SPIDR: variants seen among roughly 807,000 people sequenced by gnomAD.
The protein encoded by SPIDR is scaffold protein involved in DNA repair.
Under a neutral mutation model 104.6 loss-of-function variants are expected in SPIDR, and 93 were observed. That is an observed-to-expected ratio of 0.89 (90% CI 0.75 to 1.06). The LOEUF (loss-of-function observed/expected upper bound fraction) is 1.06. Ranked by LOEUF, SPIDR falls within the 50% of genes least tolerant of loss-of-function variation. The probability of loss-of-function intolerance (pLI) is 0.00; values close to 1 mark genes in which losing one functional copy is unlikely to be tolerated. For synonymous variants in SPIDR, 431 were observed against 416.9 expected, an observed-to-expected ratio of 1.03 and a Z score of -0.41; for missense variants, 1,154 against 1,111.2, an observed-to-expected ratio of 1.04 and a Z score of -0.55.
intron 19 of SPIDR, among the ~76,000 whole-genome samples, chr8:47,731,966 A>G (rs151229647): frequency 2.6e-5 from 4 of 152,286 alleles, no homozygotes; most frequent in Admixed American, 1.3e-4. Context: ...AACAGATTCA[A>G]CCAACTCTTG....
intron 5 of SPIDR, 108 bp from the exon 6 acceptor site, chr8:47,396,268 C>G: frequency 1.0e-6 from 1 of 973,114 alleles, no homozygotes; most frequent in Non-Finnish European, 1.5e-6. Flanking sequence ...AAAGGTCCTT[C>G]AAGAGCTGTA....
chr8:47,670,203 G>A (rs1315439794), intron 10 of SPIDR, among the ~76,000 whole-genome samples: 1 of 152,016 alleles, frequency 6.6e-6, no homozygotes, highest in African/African-American at 2.4e-5. Context: ...GGTCCCCAAG[G>A]CTTGGCCTGG....
chr8:47,451,341 G>A (rs189297772), intron 8 of SPIDR, among the ~76,000 whole-genome samples: 2 of 152,210 alleles, frequency 1.3e-5, no homozygotes, highest in East Asian at 3.9e-4. Context: ...CAGCAATTTG[G>A]GAGGCTGAGG....
chr8:47,710,470 CTT>C (rs879756213), intron 14 of SPIDR, among the ~76,000 whole-genome samples: 12 of 142,866 alleles, frequency 8.4e-5, no homozygotes, highest in Non-Finnish European at 7.7e-5. Context: ...AAATATTCAC[CTT>C]TTTTTTTTTT....
chr8:47,372,732 A>T (rs940457371), intron 5 of SPIDR, among the ~76,000 whole-genome samples: 1 of 152,080 alleles, frequency 6.6e-6, no homozygotes, highest in East Asian at 1.9e-4. Flanking sequence ...AACTTTTTAA[A>T]TTTTTAGATT....
intron 10 of SPIDR, among the ~76,000 whole-genome samples, chr8:47,607,934 C>T (rs915096886): frequency 2.0e-5 from 3 of 152,054 alleles, no homozygotes; most frequent in Non-Finnish European, 2.9e-5. Flanking sequence ...ATCTCTATCA[C>T]ATTTTTAAAG....
chr8:47,391,691 ATCT>A (rs1269301446), intron 5 of SPIDR, among the ~76,000 whole-genome samples: 10 of 152,010 alleles, frequency 6.6e-5, no homozygotes, highest in African/African-American at 9.7e-5. Context: ...TTGTATAGAA[ATCT>A]TCTTAGAAAC....
intron 11 of SPIDR, among the ~76,000 whole-genome samples, chr8:47,678,886 A>G (rs907108427): frequency 1.3e-5 from 2 of 152,204 alleles, no homozygotes; most frequent in Non-Finnish European, 2.9e-5. Flanking sequence ...TCAGAAGCCA[A>G]GCTCAGTCAA....
chr8:47,327,126 T>TA (rs548934022), intron 5 of SPIDR, among the ~76,000 whole-genome samples: 41 of 150,164 alleles, frequency 2.7e-4, no homozygotes, highest in Admixed American at 1.8e-3. Context: ...TCTACCCACT[T>TA]AAAAAAAAAA....
chr8:47,502,195 G>A (rs187904167), intron 8 of SPIDR, among the ~76,000 whole-genome samples: 1 of 152,252 alleles, frequency 6.6e-6, no homozygotes, highest in Non-Finnish European at 1.5e-5. Context: ...TCTGTTGATT[G>A]GAATAGTTTC....
In SPIDR at chr8:47,735,612, G is replaced by C; in HGVS notation, c.*162G>C. 3 of 1,368,884 alleles carry C rather than the reference G, an allele frequency of 2.2e-6. No individual in the cohort carries two copies. Among genetic ancestry groups the C allele is most frequent in the Non-Finnish European group, 9.8e-7 (1 of 1,021,586 alleles). The allele number at this position is 1,368,884 out of a possible 1,614,324, so 84.8% of individuals were successfully genotyped here. A position where few individuals can be genotyped will look rare whatever the true frequency, so the allele number is the denominator to read the frequency against. ...TGGGGAAATGTTCAGATACAGTTTT[G>C]TGAACTGTAAATCAAAATACCTTTT... On this transcript the variant is annotated 3_prime_UTR_variant, in exon 20 of 20. Coordinates refer to ENST00000297423, the MANE Select transcript of SPIDR (RefSeq NM_001080394.4).
At chr8:47,320,807 A>G (rs1363647169) in intron 5 of SPIDR, among the ~76,000 whole-genome samples, 1 of 152,226 alleles carries the variant, frequency 6.6e-6, no homozygotes, top group Non-Finnish European at 1.5e-5. Flanking sequence ...GCAAATCAAT[A>G]AACATAATCC....
At chr8:47,352,368 G>T (rs1554623062) in intron 5 of SPIDR, among the ~76,000 whole-genome samples, 1 of 152,134 alleles carries the variant, frequency 6.6e-6, no homozygotes, top group South Asian at 2.1e-4. Flanking sequence ...AAACATTACA[G>T]TTAAAGGCTT....
intron 7 of SPIDR, among the ~76,000 whole-genome samples, chr8:47,435,223 C>G (rs2068069947): frequency 6.6e-6 from 1 of 151,964 alleles, no homozygotes; most frequent in Non-Finnish European, 1.5e-5. Context: ...TGGTCTTGAA[C>G]TCCTGGCCTC....
At chr8:47,272,144 T>G (rs1313286189) in intron 1 of SPIDR, among the ~76,000 whole-genome samples, 1 of 152,100 alleles carries the variant, frequency 6.6e-6, no homozygotes, top group Non-Finnish European at 1.5e-5. Flanking sequence ...GTTTTTGTAT[T>G]TTTAGTGAGA....
intron 10 of SPIDR, among the ~76,000 whole-genome samples, chr8:47,600,474 A>AGAATACTATGAATACTATGAATACTC (rs2062137060): frequency 2.0e-5 from 3 of 152,228 alleles, no homozygotes; most frequent in Non-Finnish European, 4.4e-5. Flanking sequence ...ACTTTATTTG[A>AGAATACTATGAATACTATGAATACTC]AAATACTATG....
intron 10 of SPIDR, among the ~76,000 whole-genome samples, chr8:47,667,345 C>T (rs1318655562): frequency 6.6e-6 from 1 of 150,892 alleles, no homozygotes; most frequent in Non-Finnish European, 1.5e-5. Flanking sequence ...TGTTGATAAT[C>T]CCAGCATTTT....
At chr8:47,565,992 A>ATATAT (rs1554802202) in intron 8 of SPIDR, among the ~76,000 whole-genome samples, 2 of 14,950 alleles carry the variant, frequency 1.3e-4, no homozygotes, top group Admixed American at 1.6e-3. Context: ...ATATATATAT[A>ATATAT]TTTTTTTTTT....
intron 8 of SPIDR, among the ~76,000 whole-genome samples, chr8:47,544,471 G>C (rs1357197464): frequency 6.6e-6 from 1 of 152,098 alleles, no homozygotes; most frequent in Non-Finnish European, 1.5e-5. Context: ...ATTTTCTCCT[G>C]TGTCATTTTG....
Sources: allele counts gnomAD v4.1 joint callset (sites outside exome capture counted in the v4.1 genomes callset), GRCh38; gene constraint gnomAD v4.1.1; transcripts MANE v1.5; gene names NCBI Gene and HGNC (gene_info 2026-07-23, HGNC 2026-07-21).